Variants in PAPPA2 observed in about 807,000 individuals in gnomAD.
PAPPA2 encodes pappalysin 2, also known as pappalysin-2.
In PAPPA2, 86 loss-of-function variants were observed where a neutral mutation model predicts 176.4. The ratio of observed to expected loss-of-function variants is 0.49; its 90% CI spans 0.41 to 0.58. The LOEUF (loss-of-function observed/expected upper bound fraction) is 0.58. Among genes scored for constraint, PAPPA2 ranks in the 20% least tolerant of loss-of-function variants. PAPPA2 has a pLI of 0.00. For missense variants in PAPPA2, 2,073 were observed against 2,256.9 expected, an observed-to-expected ratio of 0.92 and a Z score of 1.65; for synonymous variants, 809 against 852.2, an observed-to-expected ratio of 0.95 and a Z score of 0.88.
At chr1:176,785,074 A>G (rs184084983) in intron 17 of PAPPA2, among the ~76,000 whole-genome samples, 1 of 152,240 alleles carries the variant, frequency 6.6e-6, no homozygotes, top group Non-Finnish European at 1.5e-5. Context: ...GAGGGCCACA[A>G]ACAGCGCTAG....
intron 3 of PAPPA2, among the ~76,000 whole-genome samples, chr1:176,641,461 G>T (rs1657085360): frequency 6.6e-6 from 1 of 150,954 alleles, no homozygotes; most frequent in Non-Finnish European, 1.5e-5. Flanking sequence ...TTTCCCCATT[G>T]CTTGTTTTTC....
intron 1 of PAPPA2, among the ~76,000 whole-genome samples, chr1:176,481,349 C>T (rs1346254488): frequency 1.3e-5 from 2 of 151,640 alleles, no homozygotes; most frequent in Admixed American, 6.6e-5. Context: ...CCTCCTATGC[C>T]GGGGCCTTCG....
chr1:176,720,384 T>C (rs1661563964), intron 12 of PAPPA2, among the ~76,000 whole-genome samples: 1 of 152,156 alleles, frequency 6.6e-6, no homozygotes, highest in African/African-American at 2.4e-5. Flanking sequence ...GTTATCAACA[T>C]ATTATATATA....
intron 1 of PAPPA2, among the ~76,000 whole-genome samples, chr1:176,466,784 G>A (rs1351747426): frequency 1.3e-5 from 2 of 152,122 alleles, no homozygotes; most frequent in Non-Finnish European, 2.9e-5. Flanking sequence ...CAGTGCAAAA[G>A]GGGATTTGTC....
chr1:176,521,522 T>C (rs1424434019), intron 1 of PAPPA2, among the ~76,000 whole-genome samples: 9 of 152,176 alleles, frequency 5.9e-5, no homozygotes, highest in Non-Finnish European at 5.9e-5. Flanking sequence ...AAATGCTCAG[T>C]CAACCCAAGA....
At chr1:176,486,102 C>T (rs1652633554) in intron 1 of PAPPA2, among the ~76,000 whole-genome samples, 1 of 152,208 alleles carries the variant, frequency 6.6e-6, no homozygotes, top group Non-Finnish European at 1.5e-5. Flanking sequence ...ATGAATCAGT[C>T]TCTTCTTCCT....
At position 176,641,881 on chromosome 1, in the gene PAPPA2, C is replaced by A. The variant is rs115842008; in HGVS notation, c.1992-29089C>A. Among the ~76,000 whole-genome samples, 1,229 of 151,946 alleles carry A rather than the reference C, an allele frequency of 8.1e-3. 13 individuals carry two copies. The highest frequency in any genetic ancestry group is 0.029 in the African/African-American group (1,188 of 41,478). The stretch of plus-strand genomic sequence containing the variant: ...ATTGAGCCAAGTGTTTGCACAAACA[C>A]TAAGAAAAGTCAAGGAGGTCTAGGT... On this transcript the variant is annotated intron_variant, in intron 3 of 22. Transcript: ENST00000367662.
In PAPPA2 at chr1:176,671,101, C is replaced by T; in HGVS notation, c.2123C>T (p.Ala708Val). The T allele has an allele frequency of 6.2e-7, 1 of 1,613,736 alleles. No homozygotes were observed. The highest frequency in any genetic ancestry group is 8.5e-7 in the Non-Finnish European group (1 of 1,179,838). ...GCCACCTGGCCTTGGGACAAGGACG[C>T]TGTCACTCACCTGGGTAAGTGAAAT... Reference protein sequence around the residue: ...GAATWPWDKDAVTHLGGIVLS... With the variant: ...GAATWPWDKDVVTHLGGIVLS... Residue 708 changes from alanine to valine, a missense_variant, in exon 4 of 23, where the codon GCT becomes GTT. Physicochemically the swap from Ala to Val is moderately conservative, Grantham distance 64 (BLOSUM62 0). This residue lies in a region of PAPPA2 where 1,196 missense variants were observed against 1,330.4 expected (regional missense o/e 0.90). Transcript: ENST00000367662.
intron 7 of PAPPA2, among the ~76,000 whole-genome samples, chr1:176,698,395 C>T (rs530952006): frequency 6.6e-5 from 10 of 152,288 alleles, no homozygotes; most frequent in Non-Finnish European, 2.9e-5. Context: ...TCCCATCACA[C>T]GACAGAAAAG....
intron 17 of PAPPA2, among the ~76,000 whole-genome samples, chr1:176,783,627 AC>A (rs1246122946): frequency 6.6e-6 from 1 of 152,134 alleles, no homozygotes. Flanking sequence ...ATAAATACAA[AC>A]CTTCCCCTAA....
At chr1:176,776,988 G>T (rs1438024404) in intron 17 of PAPPA2, among the ~76,000 whole-genome samples, 1 of 151,944 alleles carries the variant, frequency 6.6e-6, no homozygotes, top group African/African-American at 2.4e-5. Context: ...GTAAAATTAG[G>T]ATGAAAACCA....
intron 3 of PAPPA2, among the ~76,000 whole-genome samples, chr1:176,634,825 G>C (rs1440470663): frequency 7.0e-6 from 1 of 142,274 alleles, no homozygotes; most frequent in Non-Finnish European, 1.5e-5. Context: ...TAGATAGATA[G>C]ATAGATAGAT....
At chr1:176,561,433 C>G (rs1651665790) in intron 2 of PAPPA2, among the ~76,000 whole-genome samples, 1 of 152,144 alleles carries the variant, frequency 6.6e-6, no homozygotes, top group South Asian at 2.1e-4. Flanking sequence ...TTCTAACCCA[C>G]TAACCTATCA....
intron 1 of PAPPA2, among the ~76,000 whole-genome samples, chr1:176,499,503 A>C (rs1443483771): frequency 6.6e-6 from 1 of 152,210 alleles, no homozygotes; most frequent in East Asian, 1.9e-4. Context: ...ATATATTTAA[A>C]TGATCTTAGT....
chr1:176,690,345 G>C lies in PAPPA2; in HGVS notation c.2346G>C (p.Leu782=). The change falls in exon 5 of 23, where the codon CTG becomes CTC. Residue 782 remains leucine, a synonymous_variant. Coordinates refer to ENST00000367662, the MANE Select transcript of PAPPA2 (RefSeq NM_020318.3). ...CCGCCCCCACTCCCAAGAGTGAGCTGTGCCGGGAACCAGAGCCCACTAGTG... is the reference window on the plus strand; with the variant it reads ...CCGCCCCCACTCCCAAGAGTGAGCTCTGCCGGGAACCAGAGCCCACTAGTG... The part of the protein sequence containing the change: ...ADTAPTPKSE[L]CREPEPTSDT... The C allele has an allele frequency of 6.2e-7, 1 of 1,614,180 alleles. No individual in the cohort carries two copies.
chr1:176,525,463 T>C (rs1649450878), intron 1 of PAPPA2, among the ~76,000 whole-genome samples: 1 of 152,210 alleles, frequency 6.6e-6, no homozygotes, highest in Non-Finnish European at 1.5e-5. Flanking sequence ...CAAAAAGATG[T>C]TCAGGATTTC....
intron 3 of PAPPA2, among the ~76,000 whole-genome samples, chr1:176,628,915 A>G (rs1656185775): frequency 6.6e-6 from 1 of 152,226 alleles, no homozygotes; most frequent in Admixed American, 6.5e-5. Flanking sequence ...TAAGAGTTGA[A>G]TGTGGACTCC....
At chr1:176,494,139 C>T (rs1317674997) in intron 1 of PAPPA2, among the ~76,000 whole-genome samples, 1 of 152,202 alleles carries the variant, frequency 6.6e-6, no homozygotes, top group African/African-American at 2.4e-5. Flanking sequence ...TGCTAGGCTT[C>T]TAAATGTCAT....
rs898139924 is a variant in PAPPA2, at chr1:176,515,505, G to A, written c.-916-39902G>A. The stretch of plus-strand genomic sequence containing the variant: ...ACCACAGTGGAAGGACAATTAAGCT[G>A]CAGCCTGTTCACGGGCTTCCTGCCA... On this transcript the variant is annotated intron_variant, in intron 1 of 22. Coordinates refer to ENST00000367662, the MANE Select transcript of PAPPA2 (RefSeq NM_020318.3). Among the ~76,000 whole-genome samples, 3 of 152,322 alleles carry A rather than the reference G, an allele frequency of 2.0e-5. No homozygotes were observed. The South Asian group carries it at 6.2e-4, about 32-fold the overall frequency.
Sources: gnomAD v4.1 joint callset for allele counts (sites outside exome capture counted in the v4.1 genomes callset) on GRCh38, gnomAD v4.1.1 for gene constraint, gnomAD v4.1.1 regional missense constraint, MANE v1.5 for transcripts, NCBI Gene and HGNC (gene_info 2026-07-23, HGNC 2026-07-21) for gene names.